NCKAP5: variants seen among roughly 807,000 people sequenced by gnomAD.
NCKAP5 encodes nck-associated protein 5.
A neutral mutation model predicts 167.0 loss-of-function variants in NCKAP5; 92 were observed. The ratio of observed to expected loss-of-function variants is 0.55; its 90% CI spans 0.47 to 0.66. The LOEUF (loss-of-function observed/expected upper bound fraction) is 0.66, where lower values mean the gene tolerates loss of function less well. NCKAP5 is among the 30% of genes least tolerant of loss of function. The probability of loss-of-function intolerance (pLI) is 0.00; values close to 1 mark genes in which losing one functional copy is unlikely to be tolerated. For synonymous variants in NCKAP5, 891 were observed against 877.4 expected, an observed-to-expected ratio of 1.02 and a Z score of -0.27; for missense variants, 2,378 against 2,315.0, an observed-to-expected ratio of 1.03 and a Z score of -0.56.
At chr2:133,063,591 C>T (rs1304216155) in intron 6 of NCKAP5, among the ~76,000 whole-genome samples, 2 of 152,188 alleles carry the variant, frequency 1.3e-5, no homozygotes, top group Non-Finnish European at 2.9e-5. Context: ...CAAAGAAAAA[C>T]TCATCACATT....
chr2:133,456,368 G>A (rs1471887884), intron 3 of NCKAP5, among the ~76,000 whole-genome samples: 1 of 152,088 alleles, frequency 6.6e-6, no homozygotes, highest in Non-Finnish European at 1.5e-5. Flanking sequence ...GTGCCCTTTT[G>A]CCCTTCCCTC....
intron 4 of NCKAP5, among the ~76,000 whole-genome samples, chr2:133,271,679 G>C (rs544918736): frequency 3.9e-5 from 6 of 152,280 alleles, no homozygotes; most frequent in African/African-American, 1.4e-4. Context: ...CGTGACAAAT[G>C]CAACTAATGG....
chr2:133,567,476 G>A (rs931916534), intron 1 of NCKAP5, among the ~76,000 whole-genome samples: 1 of 152,126 alleles, frequency 6.6e-6, no homozygotes, highest in South Asian at 2.1e-4. Context: ...TTTGTATACC[G>A]ATCTAGCTCA....
At chr2:133,464,560 G>A (rs923800560) in intron 3 of NCKAP5, among the ~76,000 whole-genome samples, 10 of 152,184 alleles carry the variant, frequency 6.6e-5, no homozygotes, top group East Asian at 5.8e-4. Context: ...TGTGGTGGCC[G>A]GTGCCTGTAG....
chr2:132,730,585 C>T (rs1174987918), intron 17 of NCKAP5, among the ~76,000 whole-genome samples: 4 of 152,160 alleles, frequency 2.6e-5, no homozygotes, highest in African/African-American at 9.7e-5. Context: ...CTTCTGATCC[C>T]TTATGAAGCA....
the NCKAP5 span, among the ~76,000 whole-genome samples, chr2:133,613,511 AT>A: frequency 3.7e-4 from 56 of 152,354 alleles, 1 homozygote; most frequent in South Asian, 1.7e-3. Context: ...ATTCAAAAAA[AT>A]ATAAGCAGTG....
intron 5 of NCKAP5, among the ~76,000 whole-genome samples, chr2:133,195,771 TA>T (rs1205654285): frequency 2.0e-5 from 3 of 152,116 alleles, no homozygotes; most frequent in African/African-American, 7.2e-5. Flanking sequence ...AGACAAATGG[TA>T]CTGAAATAAC....
chr2:133,557,843 G>C (rs904020930), intron 2 of NCKAP5, among the ~76,000 whole-genome samples: 1 of 152,152 alleles, frequency 6.6e-6, no homozygotes, highest in African/African-American at 2.4e-5. Flanking sequence ...GGGTCCCCAG[G>C]CTGCCCTTGC....
intron 3 of NCKAP5, among the ~76,000 whole-genome samples, chr2:133,320,797 TTTGGCCAGGA>T (rs1681995056): frequency 6.6e-6 from 1 of 152,002 alleles, no homozygotes; most frequent in Non-Finnish European, 1.5e-5. Context: ...ACCACTCCCA[TTTGGCCAGGA>T]ATGAGACATG....
intron 6 of NCKAP5, among the ~76,000 whole-genome samples, chr2:133,093,651 T>C (rs981020890): frequency 6.6e-6 from 1 of 152,142 alleles, no homozygotes; most frequent in African/African-American, 2.4e-5. Context: ...GGAGGGAGCA[T>C]ATAAATATCT....
At chr2:133,394,726 C>T (rs1376992548) in intron 3 of NCKAP5, among the ~76,000 whole-genome samples, 3 of 152,038 alleles carry the variant, frequency 2.0e-5, no homozygotes, top group Admixed American at 6.6e-5. Flanking sequence ...ACACCAAATT[C>T]GAACACATGA....
intron 5 of NCKAP5, among the ~76,000 whole-genome samples, chr2:133,198,375 A>G (rs545131190): frequency 1.8e-4 from 27 of 152,254 alleles, no homozygotes; most frequent in Admixed American, 1.3e-3. Context: ...AACCAAAGAA[A>G]AAAATAAGAA....
At chr2:133,279,108 G>T (rs2089847366) in intron 4 of NCKAP5, among the ~76,000 whole-genome samples, 1 of 152,094 alleles carries the variant, frequency 6.6e-6, no homozygotes, top group Admixed American at 6.5e-5. Context: ...TTGACAATAA[G>T]CAAAACTCTA....
chr2:133,443,339 G>A (rs1203246333), intron 3 of NCKAP5, among the ~76,000 whole-genome samples: 2 of 152,266 alleles, frequency 1.3e-5, no homozygotes, highest in South Asian at 2.1e-4. Context: ...TTCTTATCAG[G>A]ACATTAGTGA....
intron 6 of NCKAP5, among the ~76,000 whole-genome samples, chr2:133,094,746 A>T (rs944678420): frequency 1.3e-5 from 2 of 152,204 alleles, no homozygotes; most frequent in African/African-American, 4.8e-5. Context: ...ATCTAAGTGG[A>T]CCTAATCTAA....
intron 3 of NCKAP5, among the ~76,000 whole-genome samples, chr2:133,306,137 T>C (rs1417632318): frequency 1.3e-5 from 2 of 152,146 alleles, no homozygotes; most frequent in Admixed American, 1.3e-4. Context: ...AAGAAAACAA[T>C]GGAGGGTGGT....
At chr2:132,835,847 T>A (rs1422069935) in intron 11 of NCKAP5, among the ~76,000 whole-genome samples, 1 of 152,178 alleles carries the variant, frequency 6.6e-6, no homozygotes, top group South Asian at 2.1e-4. Flanking sequence ...CACCCTTCTC[T>A]ACCTTGGGGG....
chr2:132,862,873 G>A (rs1163021697), intron 10 of NCKAP5, among the ~76,000 whole-genome samples: 1 of 152,006 alleles, frequency 6.6e-6, no homozygotes, highest in South Asian at 2.1e-4. Context: ...CCAGGCTGGA[G>A]TGCAGTGGCG....
In NCKAP5 at chr2:133,402,102, T is replaced by A. The variant is rs183701904; in HGVS notation, c.70-98992A>T. On this transcript the variant is annotated intron_variant, in intron 3 of 19. Coordinates refer to ENST00000409261, the MANE Select transcript of NCKAP5 (RefSeq NM_207363.3). ...TAAATTAATAATCTCTGAGTGGTTT[T>A]AGTTAGGATTTAATCCAGAGGGTTG... Among the ~76,000 whole-genome samples the A allele has an allele frequency of 3.6e-3, 546 of 152,276 alleles. 2 individuals carry two copies. The highest frequency in any genetic ancestry group is 0.012 in the African/African-American group (496 of 41,552).
Sources: gnomAD v4.1 joint callset for allele counts (sites outside exome capture counted in the v4.1 genomes callset) on GRCh38, gnomAD v4.1.1 for gene constraint, MANE v1.5 for transcripts, NCBI Gene and HGNC (gene_info 2026-07-23, HGNC 2026-07-21) for gene names.